Variants in ROBO1 observed in about 807,000 individuals in gnomAD.
The protein encoded by ROBO1 is roundabout guidance receptor 1.
ROBO1 carries 149 observed loss-of-function variants against 195.9 expected under a neutral mutation model. That is an observed-to-expected ratio of 0.76 (90% confidence interval 0.67 to 0.87). The LOEUF (loss-of-function observed/expected upper bound fraction) is 0.87, where lower values mean the gene tolerates loss of function less well. Ranked by LOEUF, ROBO1 falls within the 40% of genes least tolerant of loss-of-function variation. The probability of loss-of-function intolerance (pLI) is 0.00; values close to 1 mark genes in which losing one functional copy is unlikely to be tolerated. For missense variants in ROBO1, 1,933 were observed against 2,068.3 expected (o/e 0.93, Z 1.27); for synonymous variants, 816 against 733.2 (o/e 1.11, Z -1.82).
At chr3:79,107,127 T>TCTCTCACACACA (rs1370578718) in intron 3 of ROBO1, among the ~76,000 whole-genome samples, 4 of 136,388 alleles carry the variant, frequency 2.9e-5, no homozygotes, top group African/African-American at 8.0e-5. Flanking sequence ...TCTCTCTCTC[T>TCTCTCACACACA]CACACACACA....
At chr3:78,599,984 A>G in intron 30 of ROBO1, 129 bp downstream of exon 30, 2 of 785,088 alleles carry the variant, frequency 2.5e-6, no homozygotes, top group South Asian at 2.9e-5. Flanking sequence ...AGTTTCTGCC[A>G]TCATAGACAT....
chr3:78,977,305 T>G (rs2076904216), intron 3 of ROBO1, among the ~76,000 whole-genome samples: 1 of 152,108 alleles, frequency 6.6e-6, no homozygotes. Flanking sequence ...ACTCACACAC[T>G]TCCCTCATCC....
intron 2 of ROBO1, among the ~76,000 whole-genome samples, chr3:79,585,543 T>G (rs1943801539): frequency 6.6e-6 from 1 of 151,926 alleles, no homozygotes; most frequent in Admixed American, 6.6e-5. Context: ...TGGCATCAAA[T>G]CTGCTCCTCC....
At chr3:78,990,291 G>A (rs2077207303) in intron 3 of ROBO1, among the ~76,000 whole-genome samples, 1 of 152,078 alleles carries the variant, frequency 6.6e-6, no homozygotes, top group Non-Finnish European at 1.5e-5. Context: ...AATATTCCAC[G>A]ATGTTAAATT....
intron 2 of ROBO1, among the ~76,000 whole-genome samples, chr3:79,392,042 G>A (rs1008006196): frequency 6.6e-6 from 1 of 152,182 alleles, no homozygotes; most frequent in African/African-American, 2.4e-5. Flanking sequence ...TGGACCAGAA[G>A]TCCAGATCTC....
intron 2 of ROBO1, among the ~76,000 whole-genome samples, chr3:79,246,660 G>C (rs767388729): frequency 1.3e-5 from 2 of 151,946 alleles, no homozygotes; most frequent in Non-Finnish European, 2.9e-5. Flanking sequence ...GTGTGACCTT[G>C]AGCTATTGCT....
At chr3:79,151,948 G>A (rs543481679) in intron 2 of ROBO1, among the ~76,000 whole-genome samples, 2 of 151,908 alleles carry the variant, frequency 1.3e-5, no homozygotes, top group African/African-American at 2.4e-5. Context: ...CTTGGTCCCT[G>A]AGTAATTTTA....
intron 2 of ROBO1, among the ~76,000 whole-genome samples, chr3:79,200,815 T>A (rs963722476): frequency 1.3e-5 from 2 of 151,994 alleles, no homozygotes; most frequent in African/African-American, 4.8e-5. Context: ...TTCAAAAACA[T>A]TTTTTTAAAA....
rs182660274 is a variant in ROBO1 at position 79,317,557 on chromosome 3, C to T, written c.89-192018G>A. Among the ~76,000 whole-genome samples, 319 of 152,158 alleles carry T rather than the reference C, an allele frequency of 2.1e-3. 1 individual carries two copies. The highest frequency in any genetic ancestry group is 3.6e-3 in the Non-Finnish European group (248 of 68,006). ...ATATTTTTTATTTATTTGGCATGTA[C>T]GGCCAAATCTAATCTTCTACTCATG... On this transcript the variant is annotated intron_variant, in intron 2 of 30. Coordinates refer to ENST00000464233, the MANE Select transcript of ROBO1 (RefSeq NM_002941.4).
intron 3 of ROBO1, among the ~76,000 whole-genome samples, chr3:78,982,697 C>T (rs370779841): frequency 2.0e-5 from 3 of 151,886 alleles, no homozygotes; most frequent in Non-Finnish European, 2.9e-5. Context: ...GGCGTGATCT[C>T]GGCTCACTGA....
intron 2 of ROBO1, among the ~76,000 whole-genome samples, chr3:79,341,777 ATTATTAGAGTAAATC>A (rs2109226472): frequency 6.6e-6 from 1 of 152,308 alleles, no homozygotes; most frequent in Non-Finnish European, 1.5e-5. Flanking sequence ...GATTAATAGA[ATTATTAGAGTAAATC>A]TTTGTTTTCA....
chr3:79,135,637 C>G (rs1270986827), intron 2 of ROBO1, among the ~76,000 whole-genome samples: 1 of 151,306 alleles, frequency 6.6e-6, no homozygotes, highest in African/African-American at 2.4e-5. Flanking sequence ...ATCATTCAAT[C>G]TTCTTTTTTT....
At chr3:79,704,089 A>G (rs1256947276) in intron 1 of ROBO1, among the ~76,000 whole-genome samples, 1 of 151,928 alleles carries the variant, frequency 6.6e-6, no homozygotes, top group African/African-American at 2.4e-5. Flanking sequence ...TTTTAGGTTA[A>G]CAGCAATATT....
At chr3:78,858,422 C>T (rs1415527559) in intron 4 of ROBO1, among the ~76,000 whole-genome samples, 1 of 151,994 alleles carries the variant, frequency 6.6e-6, no homozygotes, top group Non-Finnish European at 1.5e-5. Flanking sequence ...TCAGCAGCTG[C>T]AGATCCTTAG....
chr3:78,833,394 T>A (rs1352717963), intron 4 of ROBO1, among the ~76,000 whole-genome samples: 1 of 152,168 alleles, frequency 6.6e-6, no homozygotes, highest in Non-Finnish European at 1.5e-5. Context: ...TAAAAAATAC[T>A]GAAGAAAAAG....
intron 4 of ROBO1, among the ~76,000 whole-genome samples, chr3:78,823,251 C>T (rs1345275951): frequency 6.6e-6 from 1 of 150,766 alleles, no homozygotes; most frequent in Non-Finnish European, 1.5e-5. Flanking sequence ...TCACATTTTC[C>T]CATCGTTTCT....
At chr3:79,115,378 T>C (rs988245843) in intron 3 of ROBO1, among the ~76,000 whole-genome samples, 8 of 152,108 alleles carry the variant, frequency 5.3e-5, no homozygotes, top group African/African-American at 9.7e-5. Context: ...TTGAATGATT[T>C]CAAAATATAA....
intron 2 of ROBO1, among the ~76,000 whole-genome samples, chr3:79,216,862 C>T (rs931217427): frequency 4.6e-5 from 7 of 151,930 alleles, no homozygotes; most frequent in African/African-American, 1.4e-4. Context: ...CTGATAGAAA[C>T]CCATCTTGGT....
At chr3:78,773,826 A>T (rs912394595) in intron 4 of ROBO1, among the ~76,000 whole-genome samples, 4 of 152,254 alleles carry the variant, frequency 2.6e-5, no homozygotes, top group Middle Eastern at 6.8e-3. Flanking sequence ...TATCTTTATT[A>T]CCCATCATAT....
Sources: allele counts gnomAD v4.1 joint callset (sites outside exome capture counted in the v4.1 genomes callset), GRCh38; gene constraint gnomAD v4.1.1; transcripts MANE v1.5; gene names NCBI Gene and HGNC (gene_info 2026-07-23, HGNC 2026-07-21).